The following OTUD3 variants were observed in gnomAD, a reference collection of about 807,000 sequenced individuals.
The protein encoded by OTUD3 is OTU deubiquitinase 3.
OTUD3 carries 24 observed loss-of-function variants against 46.2 expected under a neutral mutation model. The observed-to-expected ratio is 0.52, with a 90% CI of 0.38 to 0.73. OTUD3 has a LOEUF of 0.73. Among genes scored for constraint, OTUD3 ranks in the 30% least tolerant of loss-of-function variants. OTUD3 has a pLI of 0.00. For synonymous variants in OTUD3, 189 were observed against 195.4 expected, an observed-to-expected ratio of 0.97 and a Z score of 0.27; for missense variants, 455 against 523.3, an observed-to-expected ratio of 0.87 and a Z score of 1.27.
chr1:19,897,800 AT>A, intron 4 of OTUD3, 138 bp downstream of exon 4: 3 of 840,758 alleles, frequency 3.6e-6, no homozygotes, highest in Non-Finnish European at 3.5e-6. Flanking sequence ...TTTTAAAAAT[AT>A]TTTTTATTTC....
At chr1:19,897,793 T>A (rs2045537241) in intron 4 of OTUD3, 131 bp downstream of exon 4, 2 of 883,378 alleles carry the variant, frequency 2.3e-6, no homozygotes, top group African/African-American at 1.7e-5. Context: ...GGCCTGATTT[T>A]AAAAATATTT....
chr1:19,895,615 T>C (rs899899219), intron 3 of OTUD3, among the ~76,000 whole-genome samples: 58 of 152,200 alleles, frequency 3.8e-4, no homozygotes, highest in African/African-American at 1.4e-3. Flanking sequence ...AAATTTTACC[T>C]TATGGGGATA....
chr1:19,911,538 T>G lies in OTUD3; in HGVS notation c.*3792T>G, dbSNP rs1207832756. The G allele has an allele frequency of 6.6e-6, 1 of 151,916 alleles. No homozygotes were observed. The highest frequency in any genetic ancestry group is 1.5e-5 in the Non-Finnish European group (1 of 68,028). 9.4% of individuals were successfully genotyped at this position (151,916 alleles called of 1,614,324 possible). A position where few individuals can be genotyped will look rare whatever the true frequency, so the allele number is the denominator to read the frequency against. ...CTGAGTAGCTGGGATTACAGGTGTG[T>G]GCCACCATGCTTGGCTAATTTTTGT... On this transcript the variant is annotated 3_prime_UTR_variant, in exon 8 of 8. Transcript: ENST00000375120.
In OTUD3 at chr1:19,894,364, G is replaced by A; in HGVS notation, c.371-4G>A. The A allele has an allele frequency of 6.4e-7, 1 of 1,565,056 alleles. No individual in the cohort carries two copies. Among genetic ancestry groups the A allele is most frequent in the Admixed American group, 1.8e-5 (1 of 55,688 alleles). ...CGTCATTTTTCTTTCCTATTTCCAT[G>A]CAGTGGCCAGTTTGGCAAAGCCTGG... On this transcript the variant is annotated splice_polypyrimidine_tract_variant and splice_region_variant and intron_variant, in intron 2 of 7. Coordinates refer to ENST00000375120, the MANE Select transcript of OTUD3 (RefSeq NM_015207.2).
At chr1:19,904,846 C>A in intron 5 of OTUD3, 45 bp from the exon 6 acceptor site, 1 of 917,492 alleles carries the variant, frequency 1.1e-6, no homozygotes, top group Non-Finnish European at 1.8e-6. Context: ...AAAAATATAC[C>A]CAGAGTTTTG....
At position 19,882,411 on chromosome 1, in the gene OTUD3, C is replaced by A. The variant is rs1047178822; in HGVS notation, c.-103C>A. 1.5e-6 allele frequency: 2 copies of A among 1,298,828 alleles called. No homozygotes were observed. The highest frequency in any genetic ancestry group is 1.9e-6 in the Non-Finnish European group (2 of 1,026,220). The allele number at this position is 1,298,828 out of a possible 1,614,324, so 80.5% of individuals were successfully genotyped here. A position where few individuals can be genotyped will look rare whatever the true frequency, so the allele number is the denominator to read the frequency against. Reference sequence around the variant, plus strand: ...GGCGCGGTTGCTGCGTAGTCGTCGCCGGGCTCCGTTGCCCGCGCTGTTTTA... The same window carrying A: ...GGCGCGGTTGCTGCGTAGTCGTCGCAGGGCTCCGTTGCCCGCGCTGTTTTA... On this transcript the variant is annotated 5_prime_UTR_variant, in exon 1 of 8. Coordinates refer to ENST00000375120, the MANE Select transcript of OTUD3 (RefSeq NM_015207.2).
At chr1:19,905,396 A>ATT (rs200488222) in intron 6 of OTUD3, among the ~76,000 whole-genome samples, 15 of 148,388 alleles carry the variant, frequency 1.0e-4, no homozygotes, top group African/African-American at 2.5e-5. Context: ...GATAATTTTG[A>ATT]TTTTTTTTTT....
intron 4 of OTUD3, among the ~76,000 whole-genome samples, chr1:19,903,402 CTG>C (rs987474654): frequency 1.6e-4 from 24 of 152,232 alleles, no homozygotes; most frequent in African/African-American, 5.8e-4. Flanking sequence ...AATTTCAAAA[CTG>C]TGAAACTACC....
At chr1:19,899,381 C>G (rs950250672) in intron 4 of OTUD3, among the ~76,000 whole-genome samples, 4 of 152,230 alleles carry the variant, frequency 2.6e-5, no homozygotes, top group Admixed American at 2.0e-4. Flanking sequence ...CCCACACATA[C>G]ATCCTGCACT....
Position 19,906,428 on chromosome 1 carries a change from G to C in OTUD3, c.836-4G>C. ...AGTTTTAATGAAATGTCTTTCTTTG[G>C]AAGATGCAGAAGAGAATCTTGAGCC... is the stretch of plus-strand genomic sequence containing the variant. On this transcript the variant is annotated splice_region_variant and splice_polypyrimidine_tract_variant and intron_variant, in intron 6 of 7. Transcript: ENST00000375120. 6.2e-7 allele frequency: 1 copy of C among 1,612,660 alleles called. No homozygotes were observed.
At chr1:19,897,697 G>A (rs1436239867) in intron 4 of OTUD3, 35 bp downstream of exon 4, 14 of 1,602,580 alleles carry the variant, frequency 8.7e-6, no homozygotes, top group Non-Finnish European at 1.2e-5. Context: ...CGTATTCCCC[G>A]CCCTACAGGA....
At chr1:19,897,427 AGT>A in intron 3 of OTUD3, 111 bp from the exon 4 acceptor site, 1 of 997,298 alleles carries the variant, frequency 1.0e-6, no homozygotes, top group Non-Finnish European at 1.5e-6. Context: ...GTTCCCAATT[AGT>A]GTCTCATAGA....
intron 2 of OTUD3, among the ~76,000 whole-genome samples, chr1:19,893,257 T>A (rs1388944284): frequency 6.6e-6 from 1 of 152,170 alleles, no homozygotes; most frequent in African/African-American, 2.4e-5. Flanking sequence ...AGTTGGGGTC[T>A]CCCAGAACCT....
intron 1 of OTUD3, among the ~76,000 whole-genome samples, chr1:19,883,414 C>T (rs1350552439): frequency 6.6e-6 from 1 of 151,912 alleles, no homozygotes; most frequent in African/African-American, 2.4e-5. Context: ...GGATATGGCT[C>T]CAGGAACATG....
At chr1:19,887,370 C>A (rs1223414299) in intron 1 of OTUD3, among the ~76,000 whole-genome samples, 1 of 152,158 alleles carries the variant, frequency 6.6e-6, no homozygotes, top group Non-Finnish European at 1.5e-5. Flanking sequence ...AGGCATGAGC[C>A]ACCGCACCCG....
rs1015679894 is a variant in OTUD3, at chr1:19,912,419, A to C, written c.*4673A>C. ...CCTTGGCCTCCCCAGTGCCTCTTCCAGAGCCTCCACCAGCACTAAGCTCAG... is the reference window on the plus strand; with the variant it reads ...CCTTGGCCTCCCCAGTGCCTCTTCCCGAGCCTCCACCAGCACTAAGCTCAG... On this transcript the variant is annotated 3_prime_UTR_variant, in exon 8 of 8. Transcript: ENST00000375120. 6.5e-6 allele frequency: 1 copy of C among 152,990 alleles called. No homozygotes were observed. Among genetic ancestry groups the C allele is most frequent in the Non-Finnish European group, 1.5e-5 (1 of 68,192 alleles). 9.5% of individuals were successfully genotyped at this position (152,990 alleles called of 1,614,324 possible).
At chr1:19,896,024 C>T (rs1472551004) in intron 3 of OTUD3, among the ~76,000 whole-genome samples, 2 of 151,924 alleles carry the variant, frequency 1.3e-5, no homozygotes, top group East Asian at 3.9e-4. Flanking sequence ...TTCATAAATT[C>T]CTGAGCATTG....
In OTUD3 at chr1:19,897,604, A is replaced by G. The variant is rs1345407310; in HGVS notation, c.548A>G (p.Tyr183Cys). 6.2e-7 allele frequency: 1 copy of G among 1,613,964 alleles called. No individual in the cohort carries two copies. Among genetic ancestry groups the G allele is most frequent in the Non-Finnish European group, 8.5e-7 (1 of 1,179,942 alleles). Residue 183 changes from tyrosine to cysteine, a missense_variant, in exon 4 of 8, where the codon TAC becomes TGC. Transcript: ENST00000375120. ...ATCGCATATCGGTATGGAGAGCACTACGACAGTGTTCGGAGGATCAATGAC... is the reference window on the plus strand; with the variant it reads ...ATCGCATATCGGTATGGAGAGCACTGCGACAGTGTTCGGAGGATCAATGAC... ...LHIAYRYGEH[Y>C]DSVRRINDNS...
Position 19,912,325 on chromosome 1 carries a change from G to A in OTUD3, c.*4579G>A, listed in dbSNP as rs893539420. On this transcript the variant is annotated 3_prime_UTR_variant, in exon 8 of 8. Transcript: ENST00000375120. The stretch of plus-strand genomic sequence containing the variant: ...CGGTTTGATCCCTGGCAGGTCCCTC[G>A]AGCAGTACTGGTAAGAGGCTTCACA... 3.9e-5 allele frequency: 6 copies of A among 152,322 alleles called. No homozygotes were observed. The highest frequency in any genetic ancestry group is 1.4e-4 in the African/African-American group (6 of 41,418). The allele number at this position is 152,322 out of a possible 1,614,324, so 9.4% of individuals were successfully genotyped here. A position where few individuals can be genotyped will look rare whatever the true frequency, so the allele number is the denominator to read the frequency against.
Sources: allele counts gnomAD v4.1 joint callset (sites outside exome capture counted in the v4.1 genomes callset), GRCh38; gene constraint gnomAD v4.1.1; transcripts MANE v1.5; gene names NCBI Gene and HGNC (gene_info 2026-07-23, HGNC 2026-07-21).